The following PALS1 variants were observed in gnomAD, a reference collection of about 807,000 sequenced individuals.
PALS1 encodes protein PALS1.
PALS1 carries 31 observed loss-of-function variants against 78.9 expected under a neutral mutation model. The ratio of observed to expected loss-of-function variants is 0.39; its 90% CI spans 0.30 to 0.53. The LOEUF (loss-of-function observed/expected upper bound fraction) is 0.53. PALS1 is among the 20% of genes least tolerant of loss of function. PALS1 has a pLI of 0.67. For synonymous variants in PALS1, 276 were observed against 270.9 expected, an observed-to-expected ratio of 1.02 and a Z score of -0.18; for missense variants, 704 against 826.5, an observed-to-expected ratio of 0.85 and a Z score of 1.82.
rs956465942 is a variant in PALS1, at chr14:67,323,249, GTGTGTGTGTGTGTATATA to G, written c.1741-451_1741-434del. Among the ~76,000 whole-genome samples the G allele has an allele frequency of 6.3e-5, 9 of 142,558 alleles. 1 individual carries two copies. The highest frequency in any genetic ancestry group is 2.5e-4 in the African/African-American group (9 of 35,568). 93.5% of individuals were successfully genotyped at this position (142,558 alleles called of 152,430 possible). ...TATATACACGTGTGTGTGTGTGTGTGTGTGTGTGTGTGTATATATATATATGGCTTCACAGTATATTCT... is the reference window on the plus strand; with the variant it reads ...TATATACACGTGTGTGTGTGTGTGTGTATATATGGCTTCACAGTATATTCT... On this transcript the variant is annotated intron_variant, in intron 13 of 14. Transcript: ENST00000261681.
chr14:67,257,801 C>T (rs1184212937), intron 1 of PALS1, among the ~76,000 whole-genome samples: 1 of 152,110 alleles, frequency 6.6e-6, no homozygotes, highest in Non-Finnish European at 1.5e-5. Context: ...AATTGTTCTT[C>T]ATAGTAGGTT....
chr14:67,248,494 A>T (rs139161801), intron 1 of PALS1, among the ~76,000 whole-genome samples: 21 of 152,324 alleles, frequency 1.4e-4, no homozygotes, highest in African/African-American at 4.6e-4. Context: ...TTATGATATA[A>T]CATTATAAAA....
rs1468190684 is a variant in PALS1 at position 67,329,989 on chromosome 14, T to C, written c.1852-2791T>C. ...TTCTTCTAGTATTGTGAAAGAATGG[T>C]ATTGGCATAAAGATGTGATTTTTTT... On this transcript the variant is annotated intron_variant, in intron 14 of 14. Coordinates refer to ENST00000261681, the MANE Select transcript of PALS1 (RefSeq NM_022474.4). 2.0e-5 allele frequency among the ~76,000 whole-genome samples: 3 copies of C among 151,296 alleles called. No individual in the cohort carries two copies. The East Asian group carries it at 5.8e-4, about 29-fold the overall frequency.
At chr14:67,330,387 G>T (rs1300214694) in intron 14 of PALS1, among the ~76,000 whole-genome samples, 1 of 150,950 alleles carries the variant, frequency 6.6e-6, no homozygotes. Context: ...TTCTTTAGTT[G>T]CATCCCGTAA....
intron 1 of PALS1, among the ~76,000 whole-genome samples, chr14:67,259,789 G>T (rs1422501102): frequency 6.6e-6 from 1 of 151,640 alleles, no homozygotes; most frequent in African/African-American, 2.4e-5. Context: ...CCATGCGCCT[G>T]TAGTCCCAGC....
intron 2 of PALS1, among the ~76,000 whole-genome samples, chr14:67,272,263 C>T (rs2084420647): frequency 6.6e-6 from 1 of 152,162 alleles, no homozygotes; most frequent in South Asian, 2.1e-4. Context: ...ACTACTCTCT[C>T]GACTATTTTA....
intron 4 of PALS1, among the ~76,000 whole-genome samples, chr14:67,300,665 T>A (rs1335301378): frequency 6.6e-6 from 1 of 151,908 alleles, no homozygotes; most frequent in Non-Finnish European, 1.5e-5. Flanking sequence ...TGAAGCACCA[T>A]AAATAGTAGG....
intron 1 of PALS1, among the ~76,000 whole-genome samples, chr14:67,255,658 C>T (rs958761150): frequency 5.3e-5 from 8 of 152,090 alleles, no homozygotes; most frequent in African/African-American, 1.2e-4. Context: ...GGTTCCAGAA[C>T]GCTTGAAAGA....
At chr14:67,275,267 A>G (rs1188820760) in intron 2 of PALS1, among the ~76,000 whole-genome samples, 1 of 152,140 alleles carries the variant, frequency 6.6e-6, no homozygotes, top group African/African-American at 2.4e-5. Flanking sequence ...TGTCATAAAT[A>G]GCTCTTATTA....
chr14:67,279,357 CAGG>C lies in PALS1; in HGVS notation c.192_194del (p.Glu64del), dbSNP rs767581420. ...ACAGTTGGAGCGTATTCGGCAACAACAGGAGGACATGAGGCGTAGGAGAGAGGA... is the reference window on the plus strand; with the variant it reads ...ACAGTTGGAGCGTATTCGGCAACAACAGGACATGAGGCGTAGGAGAGAGGA... On this transcript the variant is annotated inframe_deletion, in exon 3 of 15. Transcript: ENST00000261681. 4 of 1,613,528 alleles carry C rather than the reference CAGG, an allele frequency of 2.5e-6. No homozygotes were observed. The African/African-American group carries it at 4.0e-5, about 16-fold the overall frequency.
Position 67,292,728 on chromosome 14 carries a change from T to G in PALS1, c.576+9T>G. The G allele has an allele frequency of 6.2e-7, 1 of 1,606,786 alleles. No homozygotes were observed. Among genetic ancestry groups the G allele is most frequent in the South Asian group, 1.1e-5 (1 of 90,662 alleles). On this transcript the variant is annotated intron_variant, in intron 4 of 14. Transcript: ENST00000261681. The stretch of plus-strand genomic sequence containing the variant: ...AAGATCTTGCTCAAGAGGTATGTAT[T>G]CTAAACATCTTGTTGATGTCTACAA...
intron 2 of PALS1, among the ~76,000 whole-genome samples, chr14:67,278,575 A>G (rs1476642236): frequency 6.6e-6 from 1 of 152,146 alleles, no homozygotes; most frequent in Non-Finnish European, 1.5e-5. Context: ...TCATTCATCA[A>G]TTTCTTTAGC....
At chr14:67,242,254 A>T (rs2083917354) in intron 1 of PALS1, among the ~76,000 whole-genome samples, 1 of 152,156 alleles carries the variant, frequency 6.6e-6, no homozygotes, top group African/African-American at 2.4e-5. Flanking sequence ...TTTCGGTCAA[A>T]AGGTTTTTCT....
intron 1 of PALS1, among the ~76,000 whole-genome samples, chr14:67,268,113 T>C (rs2084357153): frequency 6.6e-6 from 1 of 152,206 alleles, no homozygotes; most frequent in Non-Finnish European, 1.5e-5. Flanking sequence ...GTCTCAGTCA[T>C]ATGGAAACTG....
chr14:67,304,594 T>C (rs1389640446), intron 8 of PALS1, among the ~76,000 whole-genome samples: 4 of 152,286 alleles, frequency 2.6e-5, no homozygotes, highest in South Asian at 2.1e-4. Context: ...GGTAAATCCA[T>C]AGGAGAGAAA....
At chr14:67,297,004 T>G (rs1481961352) in intron 4 of PALS1, among the ~76,000 whole-genome samples, 1 of 152,226 alleles carries the variant, frequency 6.6e-6, no homozygotes, top group Non-Finnish European at 1.5e-5. Flanking sequence ...AATTCAGTAC[T>G]TTTTCTTTGT....
intron 4 of PALS1, among the ~76,000 whole-genome samples, chr14:67,299,835 C>T (rs1256543779): frequency 6.6e-6 from 1 of 152,156 alleles, no homozygotes. Flanking sequence ...ATTGAGCTGA[C>T]TCAGTGTATT....
chr14:67,260,557 G>A lies in PALS1; in HGVS notation c.-236-9144G>A, dbSNP rs558271167. Among the ~76,000 whole-genome samples, 15 of 152,240 alleles carry A rather than the reference G, an allele frequency of 9.9e-5. No individual in the cohort carries two copies. The South Asian group carries it at 3.1e-3, about 32-fold the overall frequency. ...GGCGTAGATTAAGTACTCTAGAAGG[G>A]TAGTTTGTAGAGGAGAGAGAGGGCA... On this transcript the variant is annotated intron_variant, in intron 1 of 14. Coordinates refer to ENST00000261681, the MANE Select transcript of PALS1 (RefSeq NM_022474.4).
intron 2 of PALS1, chr14:67,271,765 A>T (rs1422815056): frequency 6.6e-6 from 1 of 152,228 alleles, no homozygotes; most frequent in Non-Finnish European, 1.5e-5. Flanking sequence ...TTCTTGTGGG[A>T]AATTCTGATA....
Sources: allele counts gnomAD v4.1 joint callset (sites outside exome capture counted in the v4.1 genomes callset), GRCh38; gene constraint gnomAD v4.1.1; transcripts MANE v1.5; gene names NCBI Gene and HGNC (gene_info 2026-07-23, HGNC 2026-07-21).